Variants in RBM47 observed in about 807,000 individuals in gnomAD.
RBM47 encodes the protein RNA binding motif protein 47.
In RBM47, 21 loss-of-function variants were observed where a neutral mutation model predicts 47.1. That is an observed-to-expected ratio of 0.45 (90% CI 0.32 to 0.64). The LOEUF (loss-of-function observed/expected upper bound fraction) is 0.64, where lower values mean the gene tolerates loss of function less well. RBM47 is among the 30% of genes least tolerant of loss of function. The pLI is 0.05. For missense variants in RBM47, 708 were observed against 870.9 expected (o/e 0.81, Z 2.35); for synonymous variants, 375 against 361.7 (o/e 1.04, Z -0.42).
intron 2 of RBM47, among the ~76,000 whole-genome samples, chr4:40,471,804 T>C (rs978430460): frequency 6.6e-6 from 1 of 152,150 alleles, no homozygotes; most frequent in African/African-American, 2.4e-5. Flanking sequence ...GTAAGGCCTA[T>C]AAAGAGGCTC....
intron 3 of RBM47, among the ~76,000 whole-genome samples, chr4:40,461,807 C>T (rs1314298246): frequency 6.6e-6 from 1 of 151,914 alleles, no homozygotes; most frequent in African/African-American, 2.4e-5. Flanking sequence ...TGGTGGCAGG[C>T]GCCTGTAATC....
At chr4:40,627,744 G>A (rs1248669224) in intron 1 of RBM47, among the ~76,000 whole-genome samples, 2 of 152,184 alleles carry the variant, frequency 1.3e-5, no homozygotes, top group Admixed American at 1.3e-4. Context: ...TATAGAACAC[G>A]TGTCCAGAAG....
intron 1 of RBM47, among the ~76,000 whole-genome samples, chr4:40,599,521 G>A (rs1735049418): frequency 6.6e-6 from 1 of 152,050 alleles, no homozygotes; most frequent in African/African-American, 2.4e-5. Flanking sequence ...CAACCCAGAA[G>A]TGACACTCTT....
At chr4:40,495,546 G>A (rs111673382) in intron 2 of RBM47, among the ~76,000 whole-genome samples, 2,853 of 151,932 alleles carry the variant, frequency 0.019, 96 homozygotes, top group African/African-American at 0.065. Context: ...AGGTTGCAGC[G>A]AGCCAAGATC....
intron 6 of RBM47, among the ~76,000 whole-genome samples, chr4:40,429,381 A>G (rs566896277): frequency 1.1e-4 from 16 of 152,268 alleles, no homozygotes; most frequent in African/African-American, 3.9e-4. Flanking sequence ...GAAATTGTGA[A>G]GAAGGAAAAA....
At position 40,516,144 on chromosome 4, in the gene RBM47, C is replaced by T. The variant is rs1406836952; in HGVS notation, c.-155+28278G>A. 2.0e-5 allele frequency among the ~76,000 whole-genome samples: 3 copies of T among 152,076 alleles called. No homozygotes were observed. The East Asian group carries it at 5.8e-4, about 29-fold the overall frequency. Reference sequence around the variant, plus strand: ...GCTGACCCGCCTCCTAACGCCTCATCCGGGCCTCCCTTTTTCTCTTTTTTC... The same window carrying T: ...GCTGACCCGCCTCCTAACGCCTCATTCGGGCCTCCCTTTTTCTCTTTTTTC... On this transcript the variant is annotated intron_variant, in intron 2 of 6. Coordinates refer to ENST00000295971, the MANE Select transcript of RBM47 (RefSeq NM_001098634.2).
Position 40,425,701 on chromosome 4 carries a change from G to A in RBM47, c.*203C>T. On this transcript the variant is annotated 3_prime_UTR_variant, in exon 7 of 7. Coordinates refer to ENST00000295971, the MANE Select transcript of RBM47 (RefSeq NM_001098634.2). ...GAACCATTGCAAGTCTTTTGGAAAT[G>A]TATGAACGTAGGCATGCTAAGTTGA... The A allele has an allele frequency of 1.5e-6, 1 of 688,898 alleles. No individual in the cohort carries two copies. Among genetic ancestry groups the A allele is most frequent in the Non-Finnish European group, 2.3e-6 (1 of 439,806 alleles). The allele number at this position is 688,898 out of a possible 1,614,324, so 42.7% of individuals were successfully genotyped here. A position where few individuals can be genotyped will look rare whatever the true frequency, so the allele number is the denominator to read the frequency against.
At chr4:40,434,703 C>CAAAAAAA (rs201921796) in intron 5 of RBM47, among the ~76,000 whole-genome samples, 7 of 103,720 alleles carry the variant, frequency 6.7e-5, no homozygotes, top group African/African-American at 2.2e-4. Flanking sequence ...TTTACACAGG[C>CAAAAAAA]AAAAAAAAAA....
chr4:40,472,945 C>T (rs923943616), intron 2 of RBM47, among the ~76,000 whole-genome samples: 1 of 151,934 alleles, frequency 6.6e-6, no homozygotes, highest in Admixed American at 6.6e-5. Context: ...TATAAGCTTC[C>T]CCATGACATT....
chr4:40,475,608 G>A (rs1719489114), intron 2 of RBM47: 1 of 152,144 alleles, frequency 6.6e-6, no homozygotes, highest in Admixed American at 6.5e-5. Context: ...TGGATCATTT[G>A]TTTATCTGGT....
intron 2 of RBM47, among the ~76,000 whole-genome samples, chr4:40,489,206 G>A (rs1293393012): frequency 6.6e-6 from 1 of 152,156 alleles, no homozygotes; most frequent in Admixed American, 6.5e-5. Flanking sequence ...GTAAAATGGA[G>A]CTTGGGGGAA....
chr4:40,481,789 C>T (rs1266867549), intron 2 of RBM47, among the ~76,000 whole-genome samples: 3 of 152,150 alleles, frequency 2.0e-5, no homozygotes, highest in Non-Finnish European at 2.9e-5. Flanking sequence ...TGACCTCAAG[C>T]GATCCGCCCG....
At chr4:40,466,039 G>T (rs1236576120) in intron 3 of RBM47, among the ~76,000 whole-genome samples, 3 of 152,042 alleles carry the variant, frequency 2.0e-5, no homozygotes, top group African/African-American at 7.2e-5. Flanking sequence ...GGCTGAGGTG[G>T]GTGAATCTCT....
At chr4:40,601,996 CTG>C in intron 1 of RBM47, among the ~76,000 whole-genome samples, 1 of 151,966 alleles carries the variant, frequency 6.6e-6, no homozygotes, top group Non-Finnish European at 1.5e-5. Context: ...TGGTGAAACT[CTG>C]TCTCTACTAA....
At chr4:40,436,763 C>T in intron 4 of RBM47, 116 bp from the exon 5 acceptor site, 1 of 966,248 alleles carries the variant, frequency 1.0e-6, no homozygotes, top group Non-Finnish European at 1.7e-6. Context: ...GGTGGCTACA[C>T]CTTTGCTCTT....
intron 2 of RBM47, among the ~76,000 whole-genome samples, chr4:40,519,175 T>C (rs1303246363): frequency 6.6e-6 from 1 of 152,116 alleles, no homozygotes; most frequent in African/African-American, 2.4e-5. Flanking sequence ...CACACCACTG[T>C]ACTCTGCCCT....
At chr4:40,620,627 T>C (rs1275791993) in intron 1 of RBM47, among the ~76,000 whole-genome samples, 3 of 152,236 alleles carry the variant, frequency 2.0e-5, no homozygotes, top group Non-Finnish European at 4.4e-5. Flanking sequence ...TACCACCAGC[T>C]CCCTCTATAT....
intron 1 of RBM47, among the ~76,000 whole-genome samples, chr4:40,575,152 A>G (rs991474335): frequency 2.0e-5 from 3 of 152,212 alleles, no homozygotes; most frequent in African/African-American, 7.2e-5. Context: ...CAAAATATCA[A>G]CTGTGCCAAG....
At chr4:40,616,869 C>CTTT (rs1560507580) in intron 1 of RBM47, among the ~76,000 whole-genome samples, 1 of 119,800 alleles carries the variant, frequency 8.3e-6, no homozygotes, top group African/African-American at 3.3e-5. Context: ...CTTATATTTT[C>CTTT]TTTTCTTTTT....
Sources: allele counts gnomAD v4.1 joint callset (sites outside exome capture counted in the v4.1 genomes callset), GRCh38; gene constraint gnomAD v4.1.1; transcripts MANE v1.5; gene names NCBI Gene and HGNC (gene_info 2026-07-23, HGNC 2026-07-21).